Variants in AP1G1 observed in about 807,000 individuals in gnomAD.
AP1G1 encodes AP-1 complex subunit gamma-1.
A neutral mutation model predicts 108.3 loss-of-function variants in AP1G1; 7 were observed. That is an observed-to-expected ratio of 0.06 (90% CI 0.04 to 0.12). AP1G1 has a LOEUF of 0.12. AP1G1 is among the 10% of genes least tolerant of loss of function. The probability of loss-of-function intolerance (pLI) is 1.00; values close to 1 mark genes in which losing one functional copy is unlikely to be tolerated. For synonymous variants in AP1G1, 379 were observed against 353.5 expected, an observed-to-expected ratio of 1.07 and a Z score of -0.81; for missense variants, 756 against 1,010.7, an observed-to-expected ratio of 0.75 and a Z score of 3.42.
intron 13 of AP1G1, among the ~76,000 whole-genome samples, chr16:71,753,329 T>C (rs1007431094): frequency 1.3e-5 from 2 of 152,152 alleles, no homozygotes; most frequent in East Asian, 1.9e-4. Flanking sequence ...TCCTAACATA[T>C]TCAAAATAAA....
chr16:71,804,584 T>C (rs913168632), intron 1 of AP1G1, among the ~76,000 whole-genome samples: 2 of 151,724 alleles, frequency 1.3e-5, no homozygotes, highest in African/African-American at 4.8e-5. Flanking sequence ...ACTTTTGTAT[T>C]TTTAGTACAG....
chr16:71,759,789 T>A (rs1339724545), intron 10 of AP1G1, among the ~76,000 whole-genome samples: 1 of 151,440 alleles, frequency 6.6e-6, no homozygotes, highest in Admixed American at 6.6e-5. Context: ...TAAATTAAAT[T>A]AAATATAAAA....
At chr16:71,759,998 T>G (rs1341536765) in intron 10 of AP1G1, among the ~76,000 whole-genome samples, 1 of 152,064 alleles carries the variant, frequency 6.6e-6, no homozygotes, top group Non-Finnish European at 1.5e-5. Context: ...AATCCAAGTA[T>G]TTAACTTAGT....
At chr16:71,738,064 T>C (rs1479791787) in intron 21 of AP1G1, among the ~76,000 whole-genome samples, 4 of 152,218 alleles carry the variant, frequency 2.6e-5, no homozygotes, top group Non-Finnish European at 4.4e-5. Context: ...TTTGTTTGTT[T>C]TGAGATGGAG....
intron 2 of AP1G1, among the ~76,000 whole-genome samples, chr16:71,787,009 A>G (rs72801746): frequency 6.6e-6 from 1 of 151,978 alleles, no homozygotes; most frequent in Non-Finnish European, 1.5e-5. Context: ...TGGGCAACAG[A>G]GTGAGATCCC....
intron 1 of AP1G1, among the ~76,000 whole-genome samples, chr16:71,805,873 T>C (rs767531932): frequency 2.6e-5 from 4 of 151,906 alleles, no homozygotes; most frequent in African/African-American, 4.8e-5. Flanking sequence ...ATACAAAAAT[T>C]AGCCCTGCGT....
intron 1 of AP1G1, among the ~76,000 whole-genome samples, chr16:71,807,030 T>C (rs2033017948): frequency 1.3e-5 from 2 of 152,236 alleles, no homozygotes; most frequent in African/African-American, 2.4e-5. Context: ...AATAAGTTAA[T>C]TTCTCTTTTG....
intron 6 of AP1G1, among the ~76,000 whole-genome samples, chr16:71,768,917 CAAA>C (rs58725744): frequency 0.027 from 1,116 of 42,104 alleles, 16 homozygotes; most frequent in Middle Eastern, 0.048. Context: ...GACTCTGTCT[CAAA>C]AAAAAAAAAA....
At chr16:71,756,686 T>A (rs1280316444) in intron 11 of AP1G1, among the ~76,000 whole-genome samples, 2 of 152,140 alleles carry the variant, frequency 1.3e-5, no homozygotes, top group African/African-American at 4.8e-5. Flanking sequence ...TCACACCTGT[T>A]TTCTCACCAC....
chr16:71,759,369 G>A (rs1048048186), intron 10 of AP1G1, among the ~76,000 whole-genome samples: 2 of 152,208 alleles, frequency 1.3e-5, no homozygotes, highest in Non-Finnish European at 2.9e-5. Context: ...GCTGAGGCAT[G>A]AGAATTGCTG....
chr16:71,797,847 A>T (rs1228159780), intron 1 of AP1G1, among the ~76,000 whole-genome samples: 1 of 152,146 alleles, frequency 6.6e-6, no homozygotes. Context: ...TCCCTAGCAT[A>T]TTCTTCATGA....
rs570123466 is a variant in AP1G1, at chr16:71,733,226, C to G, written c.2368-67G>C. ...AAATCTCCAGAATCTGTCCGGTCCA[C>G]AAATAGACTTTTAATCTTAGAGGTC... On this transcript the variant is annotated intron_variant, in intron 22 of 22. Coordinates refer to ENST00000299980, the MANE Select transcript of AP1G1 (RefSeq NM_001128.6). 5 of 1,277,438 alleles carry G rather than the reference C, an allele frequency of 3.9e-6. No homozygotes were observed. In the South Asian group the frequency reaches 5.2e-5, roughly 13 times the overall value. 79.1% of individuals were successfully genotyped at this position (1,277,438 alleles called of 1,614,324 possible).
chr16:71,769,498 G>A lies in AP1G1; in HGVS notation c.642+125C>T, dbSNP rs747319537. ...GCTTCCAGGCCAATTGCATAGCAGG[G>A]CTAGTTAAATCCCTTATTCAGATCC... On this transcript the variant is annotated intron_variant, in intron 6 of 22. Coordinates refer to ENST00000299980, the MANE Select transcript of AP1G1 (RefSeq NM_001128.6). The A allele has an allele frequency of 4.5e-6, 4 of 890,244 alleles. No homozygotes were observed. In the South Asian group the frequency reaches 5.3e-5, roughly 12 times the overall value. The allele number at this position is 890,244 out of a possible 1,614,324, so 55.1% of individuals were successfully genotyped here.
chr16:71,794,378 G>A (rs1223496257), intron 1 of AP1G1, among the ~76,000 whole-genome samples: 1 of 151,534 alleles, frequency 6.6e-6, no homozygotes, highest in Non-Finnish European at 1.5e-5. Context: ...GTCCCTCTTT[G>A]TCCTGTTTTT....
chr16:71,805,774 C>T (rs965763845), intron 1 of AP1G1, among the ~76,000 whole-genome samples: 2 of 152,122 alleles, frequency 1.3e-5, no homozygotes, highest in Non-Finnish European at 2.9e-5. Flanking sequence ...GTGGCTCACA[C>T]CTGTAATCTC....
At chr16:71,772,162 G>A (rs11641113) in intron 4 of AP1G1, among the ~76,000 whole-genome samples, 4 of 149,520 alleles carry the variant, frequency 2.7e-5, no homozygotes, top group African/African-American at 7.4e-5. Context: ...ACGGAGTCTC[G>A]CTCAGTCGCC....
chr16:71,767,835 C>A, intron 6 of AP1G1: 1 of 1,591,546 alleles, frequency 6.3e-7, no homozygotes, highest in Non-Finnish European at 8.5e-7. Flanking sequence ...TACTAAGGAC[C>A]TAATGCCAGC....
At chr16:71,790,690 AAATT>A (rs2032368363) in intron 1 of AP1G1, among the ~76,000 whole-genome samples, 1 of 152,138 alleles carries the variant, frequency 6.6e-6, no homozygotes, top group African/African-American at 2.4e-5. Flanking sequence ...TGGGGGAAAA[AAATT>A]AACCTCAATC....
At chr16:71,748,155 A>T in intron 16 of AP1G1, 96 bp downstream of exon 16, 1 of 1,311,188 alleles carries the variant, frequency 7.6e-7, no homozygotes, top group Non-Finnish European at 1.1e-6. Context: ...ACTTTTGTCT[A>T]TGCTTGAAAT....
Sources: gnomAD v4.1 joint callset for allele counts (sites outside exome capture counted in the v4.1 genomes callset) on GRCh38, gnomAD v4.1.1 for gene constraint, MANE v1.5 for transcripts, NCBI Gene and HGNC (gene_info 2026-07-23, HGNC 2026-07-21) for gene names.